The following INSL6 variants were observed in gnomAD, a reference collection of about 807,000 sequenced individuals.
INSL6 encodes the protein insulin like 6.
Under a neutral mutation model 9.4 loss-of-function variants are expected in INSL6, and 16 were observed. The observed-to-expected ratio is 1.70, with a 90% CI of 1.15 to 2.59. INSL6 has a LOEUF of 2.59. Ranked by LOEUF, INSL6 falls within the 30% of genes most tolerant of loss-of-function variation. The probability of loss-of-function intolerance (pLI) is 0.00; values close to 1 mark genes in which losing one functional copy is unlikely to be tolerated. For synonymous variants in INSL6, 154 were observed against 96.9 expected, an observed-to-expected ratio of 1.59 and a Z score of -3.46; for missense variants, 391 against 257.3, an observed-to-expected ratio of 1.52 and a Z score of -3.56.
At chr9:5,082,863 G>A in the INSL6 span, among the ~76,000 whole-genome samples, 2 of 152,202 alleles carry the variant, frequency 1.3e-5, no homozygotes, top group Non-Finnish European at 1.5e-5. Context: ...GTGAGCTTCA[G>A]GTTGGGGCAA....
the INSL6 span, chr9:5,085,196 T>G: frequency 1.5e-6 from 1 of 659,578 alleles, no homozygotes; most frequent in African/African-American, 1.8e-5. Context: ...CTCATGATCA[T>G]AGCATTCATT....
chr9:5,091,525 T>G, the INSL6 span: 2 of 152,182 alleles, frequency 1.3e-5, no homozygotes, highest in East Asian at 1.9e-4. Context: ...CTGCCTTGTA[T>G]AATTATGGGT....
chr9:5,118,261 A>G, the INSL6 span, among the ~76,000 whole-genome samples: 1 of 152,208 alleles, frequency 6.6e-6, no homozygotes, highest in African/African-American at 2.4e-5. Context: ...ACTTTGTATC[A>G]TTCCTTTTTC....
At chr9:5,134,546 T>C (rs892043676) in intron 2 of INSL6, among the ~76,000 whole-genome samples, 2 of 152,026 alleles carry the variant, frequency 1.3e-5, no homozygotes, top group African/African-American at 4.8e-5. Flanking sequence ...TTCAACATTC[T>C]TAAAAGAATT....
At chr9:5,086,224 C>A in the INSL6 span, 4 of 609,370 alleles carry the variant, frequency 6.6e-6, no homozygotes, top group South Asian at 2.0e-4. Context: ...AGGCCACGGT[C>A]GGAGTCTGAA....
chr9:5,089,885 A>G, the INSL6 span: 4 of 1,429,622 alleles, frequency 2.8e-6, no homozygotes, highest in African/African-American at 4.4e-5. Flanking sequence ...ATTGAAACCT[A>G]TTTTAAATTC....
rs10122760 is a variant in INSL6 at position 5,154,470 on chromosome 9, A to T, written c.376+9709T>A. ...ATGGCAACAAAAGCCAAAATTGACA[A>T]ATGGGATCTCATTAAACTAAAGAGC... On this transcript the variant is annotated intron_variant, in intron 2 of 3. Transcript: ENST00000649639. Among the ~76,000 whole-genome samples the T allele has an allele frequency of 6.1e-3, 925 of 152,318 alleles. 8 individuals are homozygous for T. Among genetic ancestry groups the T allele is most frequent in the African/African-American group, 0.021 (885 of 41,554 alleles).
chr9:5,023,981 G>T, the INSL6 span, among the ~76,000 whole-genome samples: 5 of 152,190 alleles, frequency 3.3e-5, no homozygotes, highest in Admixed American at 2.6e-4. Context: ...CTTGGGCCGG[G>T]CACGGTGGCT....
chr9:5,156,388 A>C (rs1824814888), intron 2 of INSL6, among the ~76,000 whole-genome samples: 1 of 152,196 alleles, frequency 6.6e-6, no homozygotes, highest in Non-Finnish European at 1.5e-5. Flanking sequence ...AAAACTGTAA[A>C]TGAATATCTC....
chr9:5,114,708 G>T, the INSL6 span: 1 of 390,872 alleles, frequency 2.6e-6, no homozygotes, highest in South Asian at 2.1e-5. Flanking sequence ...TACCAGGGCT[G>T]AATGGGAACA....
the INSL6 span, chr9:5,080,555 G>T: frequency 4.4e-6 from 7 of 1,593,680 alleles, no homozygotes; most frequent in Non-Finnish European, 6.0e-6. Flanking sequence ...TATGAAGATA[G>T]GCATCAGCTT....
the INSL6 span, among the ~76,000 whole-genome samples, chr9:4,998,098 A>G: frequency 6.6e-6 from 1 of 152,214 alleles, no homozygotes; most frequent in Non-Finnish European, 1.5e-5. Context: ...GTAGTTTTAA[A>G]TATTTCACGA....
At chr9:5,037,676 G>C in the INSL6 span, among the ~76,000 whole-genome samples, 1 of 152,152 alleles carries the variant, frequency 6.6e-6, no homozygotes, top group Non-Finnish European at 1.5e-5. Flanking sequence ...ATGGACACAG[G>C]AATGGAACAT....
chr9:5,047,705 T>A, the INSL6 span, among the ~76,000 whole-genome samples: 1 of 152,196 alleles, frequency 6.6e-6, no homozygotes, highest in Non-Finnish European at 1.5e-5. Context: ...TTGTCTTGCT[T>A]CAGCCTGTCA....
intron 1 of INSL6, among the ~76,000 whole-genome samples, chr9:5,184,623 A>G (rs1261062611): frequency 1.3e-5 from 2 of 152,188 alleles, no homozygotes; most frequent in Admixed American, 6.5e-5. Context: ...ACTGAAACCT[A>G]TGTAGTCACA....
At chr9:5,115,832 T>A in the INSL6 span, among the ~76,000 whole-genome samples, 1 of 152,154 alleles carries the variant, frequency 6.6e-6, no homozygotes, top group Non-Finnish European at 1.5e-5. Flanking sequence ...CCACTTGTTC[T>A]CGCTGATAAG....
At chr9:5,137,779 A>G (rs916800379) in intron 2 of INSL6, among the ~76,000 whole-genome samples, 2 of 152,208 alleles carry the variant, frequency 1.3e-5, no homozygotes, top group Non-Finnish European at 2.9e-5. Flanking sequence ...AGCAAAAGAA[A>G]CTATCATCAG....
the INSL6 span, among the ~76,000 whole-genome samples, chr9:5,079,852 TA>T: frequency 6.6e-6 from 1 of 151,768 alleles, no homozygotes; most frequent in Admixed American, 6.6e-5. Context: ...AAGGTAAAAC[TA>T]ATGGAAAGAG....
chr9:5,133,105 G>GA (rs1230455022), intron 3 of INSL6, among the ~76,000 whole-genome samples: 25 of 152,200 alleles, frequency 1.6e-4, no homozygotes, highest in African/African-American at 5.8e-4. Context: ...GTTGGAGGAT[G>GA]AAAAAATCAT....
Sources: gnomAD v4.1 joint callset for allele counts (sites outside exome capture counted in the v4.1 genomes callset) on GRCh38, gnomAD v4.1.1 for gene constraint, MANE v1.5 for transcripts, NCBI Gene and HGNC (gene_info 2026-07-23, HGNC 2026-07-21) for gene names.